The following PGAP1 variants were observed in gnomAD, a reference collection of about 807,000 sequenced individuals.
The protein encoded by PGAP1 is post-GPI attachment to proteins inositol deacylase 1, also known as GPI inositol-deacylase.
A neutral mutation model predicts 127.0 loss-of-function variants in PGAP1; 76 were observed. That is an observed-to-expected ratio of 0.60 (90% CI 0.50 to 0.72). PGAP1 has a LOEUF of 0.72. Ranked by LOEUF, PGAP1 falls within the 30% of genes least tolerant of loss-of-function variation. The pLI, the probability that PGAP1 is intolerant of heterozygous loss-of-function variation, is 0.00. For missense variants in PGAP1, 982 were observed against 1,071.3 expected, an observed-to-expected ratio of 0.92 and a Z score of 1.16; for synonymous variants, 362 against 366.5, an observed-to-expected ratio of 0.99 and a Z score of 0.14.
chr2:196,843,737 A>AAAAT lies in PGAP1; in HGVS notation c.2525+147_2525+150dup, dbSNP rs1298677214. 31 of 425,196 alleles carry AAAAT rather than the reference A, an allele frequency of 7.3e-5. No homozygotes were observed. In the South Asian group the frequency reaches 1.1e-3, roughly 15 times the overall value. The allele number at this position is 425,196 out of a possible 1,614,324, so 26.3% of individuals were successfully genotyped here. On this transcript the variant is annotated intron_variant, in intron 25 of 26. Transcript: ENST00000354764. ...AGCGGGACTCCATCTCAAAAAATTA[A>AAAAT]AAATAAATAAATAAATAAATAAATT...
chr2:196,861,453 G>C (rs941345424), intron 20 of PGAP1, among the ~76,000 whole-genome samples: 7 of 152,122 alleles, frequency 4.6e-5, no homozygotes, highest in Non-Finnish European at 8.8e-5. Context: ...AATATATAAG[G>C]AACTCAAACA....
At chr2:196,875,413 G>A (rs1037448683) in intron 14 of PGAP1, among the ~76,000 whole-genome samples, 2 of 152,086 alleles carry the variant, frequency 1.3e-5, no homozygotes, top group African/African-American at 2.4e-5. Context: ...AGAATATTTA[G>A]AGAAATCTTG....
chr2:196,891,759 A>G (rs559011702), intron 9 of PGAP1, among the ~76,000 whole-genome samples: 1 of 152,118 alleles, frequency 6.6e-6, no homozygotes, highest in Non-Finnish European at 1.5e-5. Flanking sequence ...TAATAAAATT[A>G]AACATCATAA....
In PGAP1 at chr2:196,920,001, C is replaced by T. The variant is rs537871350; in HGVS notation, c.297G>A (p.Lys99=). Residue 99 remains lysine (K), a synonymous_variant, in exon 2 of 27, where the codon AAG becomes AAA. Transcript: ENST00000354764. ...LFLPGNAGSY[K]QVRSIGSIAL... ...TTTACTTCCAGTAAGACTTACCTTG[C>T]TTATAACTTCCAGCATTACCAGGAA... The T allele has an allele frequency of 6.2e-7, 1 of 1,605,514 alleles. No individual in the cohort carries two copies. Among genetic ancestry groups the T allele is most frequent in the Non-Finnish European group, 8.5e-7 (1 of 1,177,364 alleles).
At chr2:196,886,376 G>A (rs1415310109) in intron 10 of PGAP1, among the ~76,000 whole-genome samples, 1 of 151,868 alleles carries the variant, frequency 6.6e-6, no homozygotes, top group Non-Finnish European at 1.5e-5. Context: ...GGCCAGGCTG[G>A]TCTTGAACTC....
intron 20 of PGAP1, among the ~76,000 whole-genome samples, chr2:196,863,753 G>A (rs1701144825): frequency 6.6e-6 from 1 of 152,050 alleles, no homozygotes; most frequent in African/African-American, 2.4e-5. Flanking sequence ...AATTTTTTGT[G>A]TTTTTAGCAA....
chr2:196,870,994 T>C lies in PGAP1; in HGVS notation c.1729-15A>G. 1.3e-6 allele frequency: 2 copies of C among 1,586,370 alleles called. No homozygotes were observed. The highest frequency in any genetic ancestry group is 1.7e-6 in the Non-Finnish European group (2 of 1,157,352). ...TTAACTGTCACCTAGTTTAAAACAA[T>C]TATTGAAAAAAAAGGTTATTTTCCT... On this transcript the variant is annotated splice_polypyrimidine_tract_variant and intron_variant, in intron 18 of 26. Coordinates refer to ENST00000354764, the MANE Select transcript of PGAP1 (RefSeq NM_024989.4).
At chr2:196,912,703 A>T (rs1198197882) in intron 4 of PGAP1, among the ~76,000 whole-genome samples, 179 bp downstream of exon 4, 1 of 152,066 alleles carries the variant, frequency 6.6e-6, no homozygotes, top group Non-Finnish European at 1.5e-5. Context: ...TTTCAATTAT[A>T]AGCCTAAGTT....
At chr2:196,865,524 CCTCT>C (rs1013557170) in intron 19 of PGAP1, among the ~76,000 whole-genome samples, 2 of 152,052 alleles carry the variant, frequency 1.3e-5, no homozygotes, top group African/African-American at 4.8e-5. Flanking sequence ...CTTAGCTTCC[CCTCT>C]CTATGTCTTT....
At chr2:196,894,834 C>T (rs1454799447) in intron 7 of PGAP1, among the ~76,000 whole-genome samples, 2 of 152,012 alleles carry the variant, frequency 1.3e-5, no homozygotes, top group African/African-American at 4.8e-5. Flanking sequence ...AACAAAAAAA[C>T]TTTAAGACTG....
intron 7 of PGAP1, among the ~76,000 whole-genome samples, 161 bp downstream of exon 7, chr2:196,896,969 GA>G (rs995095385): frequency 6.6e-5 from 10 of 151,442 alleles, no homozygotes; most frequent in African/African-American, 2.2e-4. Flanking sequence ...AGTATTATGA[GA>G]AAAAAAGATA....
At chr2:196,859,833 C>T (rs1274649565) in intron 20 of PGAP1, among the ~76,000 whole-genome samples, 1 of 151,794 alleles carries the variant, frequency 6.6e-6, no homozygotes, top group Non-Finnish European at 1.5e-5. Context: ...AAACTATTAA[C>T]AAATTGAATA....
chr2:196,917,024 G>A (rs1250501287), intron 2 of PGAP1, among the ~76,000 whole-genome samples: 1 of 152,080 alleles, frequency 6.6e-6, no homozygotes, highest in Non-Finnish European at 1.5e-5. Flanking sequence ...CTCCTACACA[G>A]GACATCCAAT....
intron 24 of PGAP1, 104 bp downstream of exon 24, chr2:196,844,420 A>G: frequency 1.4e-6 from 1 of 701,354 alleles, no homozygotes; most frequent in Admixed American, 3.4e-5. Flanking sequence ...ATAATACTGT[A>G]TCTTTTAAGC....
intron 10 of PGAP1, among the ~76,000 whole-genome samples, chr2:196,887,208 C>A (rs1701940171): frequency 6.6e-6 from 1 of 152,016 alleles, no homozygotes; most frequent in South Asian, 2.1e-4. Context: ...CACGGTGAAA[C>A]CCCGTCTCTG....
chr2:196,890,162 T>C (rs1304861046), intron 10 of PGAP1, among the ~76,000 whole-genome samples: 6 of 152,078 alleles, frequency 3.9e-5, no homozygotes, highest in Non-Finnish European at 8.8e-5. Flanking sequence ...CTCAAACTCC[T>C]GAGCTCAAAT....
intron 23 of PGAP1, among the ~76,000 whole-genome samples, chr2:196,844,784 A>G (rs1410776848): frequency 6.6e-6 from 1 of 152,070 alleles, no homozygotes; most frequent in African/African-American, 2.4e-5. Flanking sequence ...GCAACAAACA[A>G]ATGAACAAAA....
At chr2:196,893,080 T>A in intron 8 of PGAP1, 60 bp downstream of exon 8, 1 of 1,023,338 alleles carries the variant, frequency 9.8e-7, no homozygotes, top group East Asian at 2.7e-5. Context: ...ATAAACAAAT[T>A]TACCTAAGAT....
chr2:196,912,957 C>G lies in PGAP1; in HGVS notation c.574G>C (p.Asp192His), dbSNP rs562767814. The stretch of plus-strand genomic sequence containing the variant: ...TGTGTAATAAGAAGATTTATCAGAT[C>G]ATGCTTAAAATTTTTCAGTGTAAGC... ...ALLTLKNFKH[D>H]LINLLITQAT... is the part of the protein sequence containing the mutation. Residue 192 changes from aspartate (D) to histidine (H), a missense_variant, in exon 4 of 27, where the codon GAT (aspartate) becomes CAT (histidine). Transcript: ENST00000354764. The G allele has an allele frequency of 3.7e-6, 6 of 1,613,852 alleles. No individual in the cohort carries two copies. Among genetic ancestry groups the G allele is most frequent in the Admixed American group, 1.7e-5 (1 of 59,942 alleles).
Sources: gnomAD v4.1 joint callset for allele counts (sites outside exome capture counted in the v4.1 genomes callset) on GRCh38, gnomAD v4.1.1 for gene constraint, MANE v1.5 for transcripts, NCBI Gene and HGNC (gene_info 2026-07-23, HGNC 2026-07-21) for gene names.